The following CPEB4 variants were observed in gnomAD, a reference collection of about 807,000 sequenced individuals.
CPEB4 encodes the protein cytoplasmic polyadenylation element binding protein 4.
Under a neutral mutation model 72.5 loss-of-function variants are expected in CPEB4, and 12 were observed. That is an observed-to-expected ratio of 0.17 (90% CI 0.11 to 0.27). The LOEUF (loss-of-function observed/expected upper bound fraction) is 0.27. Ranked by LOEUF, CPEB4 falls within the 10% of genes least tolerant of loss-of-function variation. The probability of loss-of-function intolerance (pLI) is 1.00; values close to 1 mark genes in which losing one functional copy is unlikely to be tolerated. For synonymous variants in CPEB4, 302 were observed against 326.3 expected, an observed-to-expected ratio of 0.93 and a Z score of 0.80; for missense variants, 614 against 908.5, an observed-to-expected ratio of 0.68 and a Z score of 4.17.
In CPEB4 at chr5:173,955,837, T is replaced by C. The variant is rs1581173974; in HGVS notation, c.1963-73T>C. The C allele has an allele frequency of 2.5e-6, 3 of 1,204,698 alleles. No individual in the cohort carries two copies. In the East Asian group the frequency reaches 7.0e-5, roughly 28 times the overall value. The allele number at this position is 1,204,698 out of a possible 1,614,324, so 74.6% of individuals were successfully genotyped here. On this transcript the variant is annotated intron_variant, in intron 9 of 9. Transcript: ENST00000265085. The surrounding 1 kb of genome is among the most constrained non-coding windows in gnomAD (Gnocchi z 4.7). Reference sequence around the variant, plus strand: ...GGAACAGATTCATTCAGATAGTGGGTGGAAATGTACATGTATGGTAAGCAT... The same window carrying C: ...GGAACAGATTCATTCAGATAGTGGGCGGAAATGTACATGTATGGTAAGCAT...
At position 173,927,003 on chromosome 5, in the gene CPEB4, T is replaced by G. The variant is rs571955035; in HGVS notation, c.1208-5447T>G. Reference sequence around the variant, plus strand: ...GTCTCTACAAAAATACAAAAAAAATTACCCGCGCATGATGGCGGGTGCCAG... The same window carrying G: ...GTCTCTACAAAAATACAAAAAAAATGACCCGCGCATGATGGCGGGTGCCAG... On this transcript the variant is annotated intron_variant, in intron 2 of 9. Coordinates refer to ENST00000265085, the MANE Select transcript of CPEB4 (RefSeq NM_030627.4). Among the ~76,000 whole-genome samples, 4 of 152,142 alleles carry G rather than the reference T, an allele frequency of 2.6e-5. No homozygotes were observed. The South Asian group carries it at 8.3e-4, about 32-fold the overall frequency.
At chr5:173,912,270 G>A (rs1032892348) in intron 2 of CPEB4, among the ~76,000 whole-genome samples, 2 of 152,160 alleles carry the variant, frequency 1.3e-5, no homozygotes, top group Non-Finnish European at 2.9e-5. Flanking sequence ...AAAATGAAGA[G>A]TCTAAGGTGC....
chr5:173,895,311 A>G (rs1464247085), intron 1 of CPEB4, among the ~76,000 whole-genome samples: 1 of 152,234 alleles, frequency 6.6e-6, no homozygotes, highest in Non-Finnish European at 1.5e-5. Context: ...TTCTATCCTT[A>G]CAGGAAAGTA....
intron 1 of CPEB4, among the ~76,000 whole-genome samples, chr5:173,901,411 G>A (rs1280961737): frequency 6.6e-6 from 1 of 152,162 alleles, no homozygotes; most frequent in African/African-American, 2.4e-5. Flanking sequence ...TGATTGAAGA[G>A]GGAACTTGCA....
intron 1 of CPEB4, among the ~76,000 whole-genome samples, chr5:173,907,127 C>T (rs73322762): frequency 0.014 from 2,162 of 152,216 alleles, 48 homozygotes; most frequent in African/African-American, 0.05. Flanking sequence ...ATTAGTGGGG[C>T]GTGATGGCAC....
chr5:173,923,700 C>CTT (rs1323458592), intron 2 of CPEB4, among the ~76,000 whole-genome samples: 1 of 150,540 alleles, frequency 6.6e-6, no homozygotes, highest in Non-Finnish European at 1.5e-5. Context: ...TTTTTTTCAC[C>CTT]TTTTTTTTTC....
chr5:173,896,976 C>A (rs895703181), intron 1 of CPEB4, among the ~76,000 whole-genome samples: 1 of 152,036 alleles, frequency 6.6e-6, no homozygotes, highest in Admixed American at 6.6e-5. Flanking sequence ...ATGTATGTGG[C>A]CATATTAGGT....
intron 2 of CPEB4, among the ~76,000 whole-genome samples, chr5:173,921,689 A>G (rs930697286): frequency 6.6e-6 from 1 of 152,206 alleles, no homozygotes. Flanking sequence ...GTGCTACTAA[A>G]GCCTCTTTAA....
rs770550490 is a variant in CPEB4 at position 173,953,119 on chromosome 5, A to T, written c.1809A>T (p.Leu603=). ...AVELAMIMDR[L]YGGVCYAGID... ...AGCTTGCGATGATAATGGATCGGCT[A>T]TATGGAGGTGTGTGCTACGCTGGGA... Residue 603 remains leucine (L), a synonymous_variant, in exon 9 of 10, where the codon CTA becomes CTT. Coordinates refer to ENST00000265085, the MANE Select transcript of CPEB4 (RefSeq NM_030627.4). The T allele has an allele frequency of 1.9e-6, 3 of 1,612,884 alleles. No homozygotes were observed.
rs1215770919 is a variant in CPEB4, at chr5:173,889,438, T to C, written c.-296T>C. ...CCTTTGGAAAAAGAAAGCGCCTATT[T>C]TACTAACCAAAGACTTGATTTTTAC... On this transcript the variant is annotated 5_prime_UTR_variant, in exon 1 of 10. Coordinates refer to ENST00000265085, the MANE Select transcript of CPEB4 (RefSeq NM_030627.4). 7.6e-6 allele frequency: 2 copies of C among 262,190 alleles called. No homozygotes were observed. Among genetic ancestry groups the C allele is most frequent in the Non-Finnish European group, 1.4e-5 (2 of 139,458 alleles). 16.2% of individuals were successfully genotyped at this position (262,190 alleles called of 1,614,324 possible).
intron 2 of CPEB4, among the ~76,000 whole-genome samples, chr5:173,921,878 A>G (rs984644995): frequency 6.6e-6 from 1 of 152,234 alleles, no homozygotes; most frequent in African/African-American, 2.4e-5. Flanking sequence ...ACCAGTTTCA[A>G]GTGAAAGGGT....
chr5:173,890,273 T>C lies in CPEB4; in HGVS notation c.540T>C (p.Ser180=), dbSNP rs1422655541. 1 of 1,613,936 alleles carries C rather than the reference T, an allele frequency of 6.2e-7. No homozygotes were observed. Among genetic ancestry groups the C allele is most frequent in the Non-Finnish European group, 8.5e-7 (1 of 1,179,980 alleles). ...NWSAAIAPSS[S]TIINEDASFF... ...CAGCAGCGATAGCGCCTTCCTCCTC[T>C]ACAATAATCAATGAAGATGCAAGTT... The change falls in exon 1 of 10, where the codon TCT becomes TCC. Residue 180 remains serine, a synonymous_variant. Coordinates refer to ENST00000265085, the MANE Select transcript of CPEB4 (RefSeq NM_030627.4).
intron 6 of CPEB4, 26 bp downstream of exon 6, chr5:173,949,623 A>C (rs760451341): frequency 1.6e-5 from 23 of 1,440,922 alleles, no homozygotes; most frequent in Non-Finnish European, 2.1e-5. Context: ...CATTATACTT[A>C]TGTAATTTAT....
chr5:173,898,051 C>T (rs767056427), intron 1 of CPEB4, among the ~76,000 whole-genome samples: 64 of 152,178 alleles, frequency 4.2e-4, no homozygotes, highest in Non-Finnish European at 7.8e-4. Flanking sequence ...GCTGTACAAG[C>T]GCATTTTATA....
At chr5:173,940,653 A>G (rs1021442667) in intron 3 of CPEB4, among the ~76,000 whole-genome samples, 3 of 152,198 alleles carry the variant, frequency 2.0e-5, no homozygotes, top group Non-Finnish European at 4.4e-5. Context: ...TATATGTCAT[A>G]TGTCAAAATT....
chr5:173,909,567 A>AT (rs1477667176), intron 1 of CPEB4, among the ~76,000 whole-genome samples: 1 of 151,066 alleles, frequency 6.6e-6, no homozygotes, highest in Admixed American at 6.6e-5. Flanking sequence ...AAGGAAGGAG[A>AT]TTTTTTTTCA....
chr5:173,927,614 TA>T lies in CPEB4; in HGVS notation c.1208-4831del, dbSNP rs532565363. Among the ~76,000 whole-genome samples the T allele has an allele frequency of 5.3e-5, 8 of 152,164 alleles. No homozygotes were observed. The East Asian group carries it at 1.5e-3, about 29-fold the overall frequency. ...GGGTATGGTGAAACCCTGACTCTAC[TA>T]AAAATACAAAAATTATCTGTGTGTG... On this transcript the variant is annotated intron_variant, in intron 2 of 9. Transcript: ENST00000265085.
chr5:173,890,923 A>T, intron 1 of CPEB4, 65 bp downstream of exon 1: 1 of 1,472,674 alleles, frequency 6.8e-7, no homozygotes, highest in Non-Finnish European at 9.2e-7. Flanking sequence ...ATATCTATGT[A>T]ACTAGAGTTT....
At chr5:173,913,663 C>G (rs926681939) in intron 2 of CPEB4, among the ~76,000 whole-genome samples, 5 of 152,098 alleles carry the variant, frequency 3.3e-5, no homozygotes, top group African/African-American at 1.2e-4. Context: ...CCAATTTTTA[C>G]TAAATTAAGT....
Sources: gnomAD v4.1 joint callset for allele counts (sites outside exome capture counted in the v4.1 genomes callset) on GRCh38, gnomAD v4.1.1 for gene constraint, Gnocchi (gnomAD v3.1) non-coding constraint, MANE v1.5 for transcripts, NCBI Gene and HGNC (gene_info 2026-07-23, HGNC 2026-07-21) for gene names.